Variants in VTI1A observed in about 807,000 individuals in gnomAD.
VTI1A encodes the protein vesicle transport through interaction with t-SNAREs homolog 1A.
Under a neutral mutation model 34.9 loss-of-function variants are expected in VTI1A, and 22 were observed. The observed-to-expected ratio is 0.63, with a 90% CI of 0.45 to 0.90. The LOEUF is 0.90. Among genes scored for constraint, VTI1A ranks in the 40% least tolerant of loss-of-function variants. VTI1A has a pLI of 0.00. For missense variants in VTI1A, 268 were observed against 275.6 expected (o/e 0.97, Z 0.20); for synonymous variants, 87 against 97.3 (o/e 0.89, Z 0.62).
chr10:112,852,968 T>A, the VTI1A span, among the ~76,000 whole-genome samples: 1 of 152,016 alleles, frequency 6.6e-6, no homozygotes, highest in Non-Finnish European at 1.5e-5. Context: ...TGTATTTTAG[T>A]AGAGATGGGG....
chr10:112,544,635 A>G (rs559504005), intron 5 of VTI1A, among the ~76,000 whole-genome samples: 5 of 152,218 alleles, frequency 3.3e-5, no homozygotes, highest in African/African-American at 1.2e-4. Context: ...GAAAAAAAAA[A>G]AAGGATAACT....
Position 112,531,061 on chromosome 10 carries a change from C to CCACACACACACA in VTI1A, c.342+3898_342+3899insACACACACACAC, listed in dbSNP as rs748909123. Among the ~76,000 whole-genome samples the CCACACACACACA allele has an allele frequency of 4.9e-3, 443 of 90,290 alleles. 3 individuals carry two copies. Among genetic ancestry groups the CCACACACACACA allele is most frequent in the Admixed American group, 0.02 (174 of 8,544 alleles). 59.2% of individuals were successfully genotyped at this position (90,290 alleles called of 152,430 possible). ...GGTAGTTCTGGGGTCACGTGACACACCTCACACACACACACACACACACAC... is the reference window on the plus strand; with the variant it reads ...GGTAGTTCTGGGGTCACGTGACACACCACACACACACACTCACACACACACACACACACACAC... On this transcript the variant is annotated intron_variant, in intron 4 of 7. Coordinates refer to ENST00000393077, the MANE Select transcript of VTI1A (RefSeq NM_145206.4).
chr10:112,760,286 A>G (rs1242167614), intron 7 of VTI1A, among the ~76,000 whole-genome samples: 2 of 152,200 alleles, frequency 1.3e-5, no homozygotes, highest in African/African-American at 4.8e-5. Context: ...TAATTTATAA[A>G]TTAGGCACAG....
intron 5 of VTI1A, among the ~76,000 whole-genome samples, chr10:112,549,752 T>G (rs1460346519): frequency 6.6e-6 from 1 of 152,122 alleles, no homozygotes; most frequent in African/African-American, 2.4e-5. Context: ...CCAGATCCTA[T>G]GAATTTTTAA....
intron 7 of VTI1A, among the ~76,000 whole-genome samples, chr10:112,677,254 T>C (rs1259036826): frequency 6.6e-6 from 1 of 152,104 alleles, no homozygotes; most frequent in Admixed American, 6.5e-5. Flanking sequence ...AATAGGAATA[T>C]TCCAAATGAG....
intron 5 of VTI1A, among the ~76,000 whole-genome samples, chr10:112,586,410 C>T (rs913341564): frequency 6.6e-5 from 10 of 152,038 alleles, no homozygotes; most frequent in Admixed American, 5.2e-4. Context: ...TTAAATGATT[C>T]GTTAAAACTG....
intron 7 of VTI1A, among the ~76,000 whole-genome samples, chr10:112,754,963 A>G (rs1851228857): frequency 1.3e-5 from 2 of 152,216 alleles, no homozygotes; most frequent in African/African-American, 4.8e-5. Context: ...TGTTCAGAAG[A>G]TAGGTTTGCT....
intron 4 of VTI1A, among the ~76,000 whole-genome samples, chr10:112,532,938 C>T (rs1316242279): frequency 6.6e-6 from 1 of 152,072 alleles, no homozygotes; most frequent in Non-Finnish European, 1.5e-5. Flanking sequence ...TAAGTATTAT[C>T]TCTCCTGGCA....
chr10:112,793,202 C>T (rs985744865), intron 7 of VTI1A, among the ~76,000 whole-genome samples: 1 of 152,128 alleles, frequency 6.6e-6, no homozygotes, highest in African/African-American at 2.4e-5. Flanking sequence ...AAGATTAGCT[C>T]GACATGAGGC....
intron 7 of VTI1A, among the ~76,000 whole-genome samples, chr10:112,683,502 A>G (rs1359551507): frequency 1.3e-5 from 2 of 152,190 alleles, no homozygotes; most frequent in African/African-American, 2.4e-5. Context: ...TATTTTTCCT[A>G]TAAAACAGAA....
intron 7 of VTI1A, among the ~76,000 whole-genome samples, chr10:112,676,528 C>T (rs1297521932): frequency 6.6e-6 from 1 of 152,190 alleles, no homozygotes; most frequent in Non-Finnish European, 1.5e-5. Context: ...TGATGTCCAA[C>T]ACAGAATGTC....
chr10:112,541,086 A>G (rs12267540), intron 5 of VTI1A, among the ~76,000 whole-genome samples: 4,086 of 152,272 alleles, frequency 0.027, 66 homozygotes, highest in African/African-American at 0.036. Context: ...TGGGGGTGTA[A>G]AGGAAAGTTG....
intron 3 of VTI1A, among the ~76,000 whole-genome samples, chr10:112,486,935 C>T (rs55701054): frequency 0.17 from 25,699 of 151,572 alleles, 2,678 homozygotes; most frequent in African/African-American, 0.29. Flanking sequence ...CTCTCTTTAC[C>T]GCAGTGCATT....
At chr10:112,467,184 C>T (rs1239543954) in intron 3 of VTI1A, among the ~76,000 whole-genome samples, 2 of 151,890 alleles carry the variant, frequency 1.3e-5, no homozygotes, top group Non-Finnish European at 2.9e-5. Context: ...ATTTCTGTGG[C>T]TTATAAGTCA....
At chr10:112,668,635 C>A (rs924077403) in intron 6 of VTI1A, among the ~76,000 whole-genome samples, 1 of 152,050 alleles carries the variant, frequency 6.6e-6, no homozygotes, top group Non-Finnish European at 1.5e-5. Flanking sequence ...GTTTTTAGGA[C>A]TTTGCACATT....
chr10:112,562,013 T>G lies in VTI1A; in HGVS notation c.427+23683T>G, dbSNP rs140854566. Among the ~76,000 whole-genome samples, 782 of 152,308 alleles carry G rather than the reference T, an allele frequency of 5.1e-3. 11 individuals are homozygous for G. The highest frequency in any genetic ancestry group is 0.018 in the African/African-American group (756 of 41,576). On this transcript the variant is annotated intron_variant, in intron 5 of 7. Coordinates refer to ENST00000393077, the MANE Select transcript of VTI1A (RefSeq NM_145206.4). ...GTTCTTAGCCCCTGAGATACAACTT[T>G]TTTTTATTTCATAAAAGCCAAAGGA... is the stretch of plus-strand genomic sequence containing the variant.
At chr10:112,470,760 C>T (rs1034280254) in intron 3 of VTI1A, among the ~76,000 whole-genome samples, 7 of 152,128 alleles carry the variant, frequency 4.6e-5, no homozygotes, top group South Asian at 4.2e-4. Context: ...GGCATGGTGG[C>T]GCACACTTGT....
intron 7 of VTI1A, among the ~76,000 whole-genome samples, chr10:112,793,907 C>T (rs1852581782): frequency 6.6e-6 from 1 of 152,142 alleles, no homozygotes; most frequent in Admixed American, 6.6e-5. Context: ...GCTTCTTGAC[C>T]TCTGATGGTT....
chr10:112,814,596 C>T (rs978841108), intron 7 of VTI1A, among the ~76,000 whole-genome samples: 1 of 152,148 alleles, frequency 6.6e-6, no homozygotes. Flanking sequence ...CAGCCAGAAC[C>T]CAGGGAGGTA....
Sources: allele counts gnomAD v4.1 joint callset (sites outside exome capture counted in the v4.1 genomes callset), GRCh38; gene constraint gnomAD v4.1.1; transcripts MANE v1.5; gene names NCBI Gene and HGNC (gene_info 2026-07-23, HGNC 2026-07-21).